Variants in C8orf34 observed in about 807,000 individuals in gnomAD.
C8orf34 encodes uncharacterized protein C8orf34.
A neutral mutation model predicts 68.3 loss-of-function variants in C8orf34; 65 were observed. That is an observed-to-expected ratio of 0.95 (90% CI 0.78 to 1.17). The LOEUF is 1.17. Among genes scored for constraint, C8orf34 ranks in the 50% most tolerant of loss-of-function variants. The pLI, the probability that C8orf34 is intolerant of heterozygous loss-of-function variation, is 0.00. For synonymous variants in C8orf34, 244 were observed against 241.2 expected, an observed-to-expected ratio of 1.01 and a Z score of -0.11; for missense variants, 664 against 655.4, an observed-to-expected ratio of 1.01 and a Z score of -0.14.
chr8:68,809,700 C>T (rs1051109124), intron 12 of C8orf34, among the ~76,000 whole-genome samples: 17 of 152,228 alleles, frequency 1.1e-4, no homozygotes, highest in African/African-American at 3.1e-4. Context: ...CAACCTACCT[C>T]CTTTTTCCTC....
chr8:68,430,989 A>G (rs554771570), intron 1 of C8orf34, among the ~76,000 whole-genome samples: 1 of 152,288 alleles, frequency 6.6e-6, no homozygotes, highest in East Asian at 1.9e-4. Context: ...CAAACTGATA[A>G]GGGAGATATT....
intron 8 of C8orf34, among the ~76,000 whole-genome samples, chr8:68,661,939 C>T (rs1008248749): frequency 2.0e-5 from 3 of 151,324 alleles, no homozygotes; most frequent in African/African-American, 7.3e-5. Flanking sequence ...TCTCTCTACC[C>T]TCTGAAGGCT....
At chr8:68,743,032 T>G (rs926208131) in intron 10 of C8orf34, among the ~76,000 whole-genome samples, 7 of 152,184 alleles carry the variant, frequency 4.6e-5, no homozygotes, top group African/African-American at 1.7e-4. Context: ...GGTCCCTATT[T>G]TATTCTCATC....
At chr8:68,438,977 C>T (rs565847497) in intron 1 of C8orf34, 2 of 152,194 alleles carry the variant, frequency 1.3e-5, no homozygotes, top group Admixed American at 6.5e-5. Flanking sequence ...TTCTTGGAGA[C>T]TACTTTAAGA....
rs1163372876 is a variant in C8orf34, at chr8:68,776,508, G to A, written c.1455+59G>A. ...AAATCAGTTTATGATACAGGATGAA[G>A]CACTCACTTAGGCTTTCTCCATCTA... On this transcript the variant is annotated intron_variant, in intron 11 of 13. Coordinates refer to ENST00000518698, the MANE Select transcript of C8orf34 (RefSeq NM_052958.4). 4.4e-6 allele frequency: 6 copies of A among 1,366,672 alleles called. No homozygotes were observed. In the East Asian group the frequency reaches 6.9e-5, roughly 16 times the overall value. 84.7% of individuals were successfully genotyped at this position (1,366,672 alleles called of 1,614,324 possible).
At chr8:68,774,327 G>GTATATATATATATATACATATATATATA (rs1332535200) in intron 10 of C8orf34, among the ~76,000 whole-genome samples, 1 of 96,050 alleles carries the variant, frequency 1.0e-5, no homozygotes. Flanking sequence ...ATATGGGTGT[G>GTATATATATATATATACATATATATATA]TGTGTATATA....
At chr8:68,408,853 A>G (rs538660495) in intron 1 of C8orf34, among the ~76,000 whole-genome samples, 12 of 152,106 alleles carry the variant, frequency 7.9e-5, no homozygotes, top group East Asian at 7.7e-4. Flanking sequence ...CAGTGGTGCA[A>G]TCTCGGTTCA....
At chr8:68,594,881 A>G (rs1459090150) in intron 7 of C8orf34, among the ~76,000 whole-genome samples, 1 of 151,944 alleles carries the variant, frequency 6.6e-6, no homozygotes, top group East Asian at 1.9e-4. Flanking sequence ...TCATACCTTT[A>G]ATAGGATAGA....
intron 6 of C8orf34, among the ~76,000 whole-genome samples, chr8:68,528,616 A>G (rs1284831193): frequency 1.3e-5 from 2 of 152,224 alleles, no homozygotes; most frequent in Non-Finnish European, 2.9e-5. Context: ...AGAAGGACAC[A>G]TGGCCACACT....
chr8:68,479,715 C>T (rs1812778407), intron 4 of C8orf34, among the ~76,000 whole-genome samples: 1 of 152,102 alleles, frequency 6.6e-6, no homozygotes, highest in Non-Finnish European at 1.5e-5. Context: ...TTCAAGTTTT[C>T]AGGATATTAA....
At chr8:68,482,073 AC>A (rs1374351222) in intron 4 of C8orf34, among the ~76,000 whole-genome samples, 1 of 152,192 alleles carries the variant, frequency 6.6e-6, no homozygotes, top group Non-Finnish European at 1.5e-5. Flanking sequence ...TGTGGGAGGA[AC>A]CCAGGGGGAG....
intron 1 of C8orf34, among the ~76,000 whole-genome samples, chr8:68,411,092 A>G (rs950531157): frequency 6.6e-6 from 1 of 152,044 alleles, no homozygotes; most frequent in Non-Finnish European, 1.5e-5. Flanking sequence ...TTCCCATGCT[A>G]TTGTGTTTTC....
At chr8:68,384,617 A>G (rs74328628) in intron 1 of C8orf34, among the ~76,000 whole-genome samples, 522 of 152,342 alleles carry the variant, frequency 3.4e-3, no homozygotes, top group Admixed American at 9.2e-3. Context: ...CCATAAGGGC[A>G]TGGTTTGCCC....
chr8:68,476,383 C>G (rs560041884), intron 4 of C8orf34, among the ~76,000 whole-genome samples: 3 of 152,198 alleles, frequency 2.0e-5, no homozygotes, highest in African/African-American at 4.8e-5. Context: ...GGTCAAGGTA[C>G]AGTAGGAGGA....
intron 5 of C8orf34, among the ~76,000 whole-genome samples, chr8:68,510,601 C>T (rs1389983406): frequency 1.3e-5 from 2 of 151,886 alleles, no homozygotes; most frequent in Non-Finnish European, 2.9e-5. Context: ...AGTTTTGAAA[C>T]ATGATTTCTG....
At chr8:68,793,671 G>C (rs1485644210) in intron 12 of C8orf34, among the ~76,000 whole-genome samples, 1 of 152,182 alleles carries the variant, frequency 6.6e-6, no homozygotes, top group Non-Finnish European at 1.5e-5. Context: ...AAGTAGGGCA[G>C]AGCATCAGGA....
intron 1 of C8orf34, among the ~76,000 whole-genome samples, chr8:68,430,193 A>C (rs920307290): frequency 2.6e-5 from 4 of 152,174 alleles, no homozygotes; most frequent in African/African-American, 9.7e-5. Flanking sequence ...AAATTAAAAA[A>C]AACCTAAATG....
intron 4 of C8orf34, among the ~76,000 whole-genome samples, chr8:68,477,759 T>A (rs553199777): frequency 5.9e-5 from 9 of 151,840 alleles, no homozygotes; most frequent in Non-Finnish European, 1.3e-4. Context: ...CTAGGTGGAG[T>A]TTCCCAAACT....
rs532980575 is a variant in C8orf34 at position 68,446,610 on chromosome 8, A to C, written c.607+150A>C. On this transcript the variant is annotated intron_variant, in intron 3 of 13. Coordinates refer to ENST00000518698, the MANE Select transcript of C8orf34 (RefSeq NM_052958.4). The stretch of plus-strand genomic sequence containing the variant: ...AATTTCACTTTTACTCCGCATTTAC[A>C]TTGATCTTCATTCATACGTATGTAT... The C allele has an allele frequency of 3.3e-5, 23 of 706,400 alleles. No individual in the cohort carries two copies. The South Asian group carries it at 3.4e-4, about 10-fold the overall frequency. The allele number at this position is 706,400 out of a possible 1,614,324, so 43.8% of individuals were successfully genotyped here. A position where few individuals can be genotyped will look rare whatever the true frequency, so the allele number is the denominator to read the frequency against.
Sources: allele counts gnomAD v4.1 joint callset (sites outside exome capture counted in the v4.1 genomes callset), GRCh38; gene constraint gnomAD v4.1.1; transcripts MANE v1.5; gene names NCBI Gene and HGNC (gene_info 2026-07-23, HGNC 2026-07-21).